HTT: variants seen among roughly 807,000 people sequenced by gnomAD.
HTT encodes huntington disease protein.
HTT carries 104 observed loss-of-function variants against 362.3 expected under a neutral mutation model. That is an observed-to-expected ratio of 0.29 (90% CI 0.24 to 0.34). HTT has a LOEUF of 0.34. Ranked by LOEUF, HTT falls within the 10% of genes least tolerant of loss-of-function variation. The probability of loss-of-function intolerance (pLI) is 1.00; values close to 1 mark genes in which losing one functional copy is unlikely to be tolerated. For missense variants in HTT, 3,301 were observed against 3,928.6 expected (o/e 0.84, Z 4.27); for synonymous variants, 1,577 against 1,548.7 (o/e 1.02, Z -0.43).
At chr4:3,142,114 A>G (rs889446677) in intron 22 of HTT, among the ~76,000 whole-genome samples, 54 of 152,234 alleles carry the variant, frequency 3.5e-4, no homozygotes, top group South Asian at 1.2e-3. Flanking sequence ...GCTGTGGTCA[A>G]TTGGGTCTTG....
chr4:3,091,426 G>A (rs1184408769), intron 2 of HTT, among the ~76,000 whole-genome samples: 1 of 152,074 alleles, frequency 6.6e-6, no homozygotes, highest in African/African-American at 2.4e-5. Context: ...GTTTGAGGAA[G>A]GTTAACATTA....
intron 37 of HTT, among the ~76,000 whole-genome samples, 193 bp from the exon 38 acceptor site, chr4:3,186,404 G>C (rs927473169): frequency 2.0e-5 from 3 of 152,158 alleles, no homozygotes; most frequent in African/African-American, 7.2e-5. Context: ...TCTGTTATGG[G>C]AAAAATGTAG....
chr4:3,123,834 T>G (rs1287511192), intron 10 of HTT, among the ~76,000 whole-genome samples: 1 of 152,272 alleles, frequency 6.6e-6, no homozygotes, highest in African/African-American at 2.4e-5. Flanking sequence ...CTGCTAGTTT[T>G]GGTACACATT....
At chr4:3,115,083 CCT>C (rs1405778563) in intron 6 of HTT, among the ~76,000 whole-genome samples, 2 of 152,046 alleles carry the variant, frequency 1.3e-5, no homozygotes, top group Non-Finnish European at 2.9e-5. Context: ...TGAGCAGTCC[CCT>C]GAGTGAAGGT....
At chr4:3,133,394 G>C (rs1715913740) in intron 18 of HTT, among the ~76,000 whole-genome samples, 1 of 151,772 alleles carries the variant, frequency 6.6e-6, no homozygotes. Context: ...TCGGGAAGCT[G>C]AGGTGGAGGG....
chr4:3,212,507 G>A (rs1406745913), intron 48 of HTT, 57 bp from the exon 49 acceptor site: 2 of 1,575,874 alleles, frequency 1.3e-6, no homozygotes, highest in East Asian at 2.3e-5. Flanking sequence ...ACTGCCTTTC[G>A]AAGTTGATGC....
intron 50 of HTT, among the ~76,000 whole-genome samples, chr4:3,214,654 G>A (rs747399382): frequency 4.6e-5 from 7 of 152,136 alleles, no homozygotes; most frequent in African/African-American, 7.2e-5. Flanking sequence ...GTTAGAGGGC[G>A]TTTTGAAGCT....
chr4:3,168,188 C>G (rs1052323725), intron 29 of HTT, among the ~76,000 whole-genome samples: 1 of 152,190 alleles, frequency 6.6e-6, no homozygotes, highest in Non-Finnish European at 1.5e-5. Flanking sequence ...GGAAAGATAT[C>G]CAGATGCTTA....
chr4:3,167,659 A>C (rs1221500844), intron 29 of HTT, among the ~76,000 whole-genome samples: 1 of 152,156 alleles, frequency 6.6e-6, no homozygotes, highest in African/African-American at 2.4e-5. Flanking sequence ...ATGCTGCCTT[A>C]TCCAAATAAT....
At chr4:3,239,648 G>T (rs777307678) in intron 66 of HTT, among the ~76,000 whole-genome samples, 198 bp from the exon 67 acceptor site, 36 of 152,194 alleles carry the variant, frequency 2.4e-4, no homozygotes, top group Non-Finnish European at 4.7e-4. Flanking sequence ...AGGGCATCCA[G>T]CCAGCCAAGG....
intron 23 of HTT, among the ~76,000 whole-genome samples, chr4:3,144,364 C>T (rs1315038870): frequency 6.6e-6 from 1 of 152,156 alleles, no homozygotes; most frequent in Non-Finnish European, 1.5e-5. Flanking sequence ...GTTGCCCAGG[C>T]TAGAGCACAG....
rs201281911 is a variant in HTT, at chr4:3,105,447, C to T, written c.608+11C>T. 1.5e-5 allele frequency: 24 copies of T among 1,590,516 alleles called. No individual in the cohort carries two copies. The highest frequency in any genetic ancestry group is 2.0e-5 in the Non-Finnish European group (23 of 1,158,390). On this transcript the variant is annotated intron_variant, in intron 5 of 66. Transcript: ENST00000355072. ...GCCTCAGAAATGCAGGTAAGTTGTA[C>T]ACTCTGGATGTTGGTTTTTGTCGGG...
chr4:3,229,371 C>T (rs1463709304), intron 59 of HTT, among the ~76,000 whole-genome samples: 1 of 148,574 alleles, frequency 6.7e-6, no homozygotes, highest in African/African-American at 2.5e-5. Context: ...ACACAACACA[C>T]ACATGCCACG....
chr4:3,094,285 A>G (rs1488628038), intron 2 of HTT, among the ~76,000 whole-genome samples: 2 of 152,208 alleles, frequency 1.3e-5, no homozygotes, highest in African/African-American at 4.8e-5. Flanking sequence ...TTCTTAGTAC[A>G]GAACAAAATG....
chr4:3,134,645 A>G (rs1281942624), intron 19 of HTT, 105 bp downstream of exon 19: 4 of 1,065,818 alleles, frequency 3.8e-6, no homozygotes, highest in Non-Finnish European at 5.5e-6. Flanking sequence ...TCCATCAGAA[A>G]TCCGAGTGGT....
intron 26 of HTT, among the ~76,000 whole-genome samples, chr4:3,153,426 A>T (rs16843945): frequency 0.036 from 5,547 of 152,046 alleles, 298 homozygotes; most frequent in African/African-American, 0.12. Flanking sequence ...TCTTGCCTTC[A>T]CTCTGCTCCA....
In HTT at chr4:3,211,564, G is replaced by A. The variant is rs148329984; in HGVS notation, c.6415-365G>A. On this transcript the variant is annotated intron_variant, in intron 47 of 66. Coordinates refer to ENST00000355072, the MANE Select transcript of HTT (RefSeq NM_001388492.1). Reference sequence around the variant, plus strand: ...ATTTGAACATCTTTTTCAAACTTTAGGGTGGTTGGTGTATCACTGAGGTCT... The same window carrying A: ...ATTTGAACATCTTTTTCAAACTTTAAGGTGGTTGGTGTATCACTGAGGTCT... Among the ~76,000 whole-genome samples the A allele has an allele frequency of 5.8e-3, 884 of 152,254 alleles. 11 individuals are homozygous for A. Among genetic ancestry groups the A allele is most frequent in the African/African-American group, 0.02 (839 of 41,526 alleles).
At chr4:3,093,748 T>C (rs548730110) in intron 2 of HTT, among the ~76,000 whole-genome samples, 44 of 151,554 alleles carry the variant, frequency 2.9e-4, no homozygotes, top group East Asian at 1.6e-3. Context: ...GCCTTGAAAA[T>C]TGGAGTGATG....
rs183014939 is a variant in HTT at position 3,218,737 on chromosome 4, C to T, written c.7242+785C>T. 2.6e-5 allele frequency among the ~76,000 whole-genome samples: 4 copies of T among 152,298 alleles called. No homozygotes were observed. Among genetic ancestry groups the T allele is most frequent in the Non-Finnish European group, 4.4e-5 (3 of 68,032 alleles). On this transcript the variant is annotated intron_variant, in intron 52 of 66. Coordinates refer to ENST00000355072, the MANE Select transcript of HTT (RefSeq NM_001388492.1). This position sits in a 1 kb window ranked among gnomAD's most constrained non-coding sequence, Gnocchi z 4.4. ...GTTGATGGAGGGGGACTGACTTCTG[C>T]CCAGTGAAATGGCATCATCTCCCAC...
Sources: gnomAD v4.1 joint callset for allele counts (sites outside exome capture counted in the v4.1 genomes callset) on GRCh38, gnomAD v4.1.1 for gene constraint, Gnocchi (gnomAD v3.1) non-coding constraint, MANE v1.5 for transcripts, NCBI Gene and HGNC (gene_info 2026-07-23, HGNC 2026-07-21) for gene names.